DNM3: variants seen among roughly 807,000 people sequenced by gnomAD.
DNM3 encodes dynamin 3.
Under a neutral mutation model 101.6 loss-of-function variants are expected in DNM3, and 47 were observed. The observed-to-expected ratio is 0.46, with a 90% CI of 0.37 to 0.59. The LOEUF (loss-of-function observed/expected upper bound fraction) is 0.59, where lower values mean the gene tolerates loss of function less well. DNM3 is among the 20% of genes least tolerant of loss of function. DNM3 has a pLI of 0.00. For synonymous variants in DNM3, 385 were observed against 387.9 expected, an observed-to-expected ratio of 0.99 and a Z score of 0.09; for missense variants, 849 against 1,085.7, an observed-to-expected ratio of 0.78 and a Z score of 3.06.
At chr1:172,127,393 T>TATTATC (rs2056694328) in intron 13 of DNM3, among the ~76,000 whole-genome samples, 1 of 143,390 alleles carries the variant, frequency 7.0e-6, no homozygotes, top group Non-Finnish European at 1.5e-5. Context: ...TACTTATTAT[T>TATTATC]ATTATTATTA....
chr1:172,355,894 G>C (rs1412989037), intron 17 of DNM3, among the ~76,000 whole-genome samples: 1 of 152,024 alleles, frequency 6.6e-6, no homozygotes, highest in Non-Finnish European at 1.5e-5. Flanking sequence ...GAAGACCACA[G>C]ATAACATCCA....
rs114792961 is a variant in DNM3 at position 171,915,438 on chromosome 1, G to C, written c.162-6310G>C. The stretch of plus-strand genomic sequence containing the variant: ...CTGGAGTGGTGATCCAAATAGACAA[G>C]AGAGGGTGAATTTAAGAGATATTAA... On this transcript the variant is annotated intron_variant, in intron 1 of 20. Transcript: ENST00000627582. 6.8e-3 allele frequency among the ~76,000 whole-genome samples: 1,028 copies of C among 152,272 alleles called. 3 individuals are homozygous for C. Among genetic ancestry groups the C allele is most frequent in the Non-Finnish European group, 0.011 (715 of 68,010 alleles).
intron 1 of DNM3, among the ~76,000 whole-genome samples, chr1:171,842,982 C>G (rs1235223442): frequency 6.6e-6 from 1 of 152,178 alleles, no homozygotes; most frequent in Non-Finnish European, 1.5e-5. Flanking sequence ...GTACTTTATT[C>G]TTTTTATTTG....
At chr1:172,011,154 C>G (rs2047102279) in intron 4 of DNM3, among the ~76,000 whole-genome samples, 1 of 151,750 alleles carries the variant, frequency 6.6e-6, no homozygotes, top group Non-Finnish European at 1.5e-5. Context: ...TGATATCAAC[C>G]TTTCTGGTGT....
chr1:171,988,891 G>GT, intron 3 of DNM3, 54 bp from the exon 4 acceptor site: 1 of 1,453,424 alleles, frequency 6.9e-7, no homozygotes, highest in African/African-American at 1.4e-5. Context: ...ATTCTGTATT[G>GT]TTATCTTTTA....
At chr1:171,924,269 G>A (rs955309499) in intron 2 of DNM3, among the ~76,000 whole-genome samples, 2 of 152,120 alleles carry the variant, frequency 1.3e-5, no homozygotes, top group Non-Finnish European at 2.9e-5. Flanking sequence ...GTTTTCCATA[G>A]GGGTTAAACT....
At chr1:172,291,989 A>G (rs1462851095) in intron 15 of DNM3, among the ~76,000 whole-genome samples, 1 of 152,236 alleles carries the variant, frequency 6.6e-6, no homozygotes, top group African/African-American at 2.4e-5. Flanking sequence ...ACACAATGAA[A>G]TATAATAATG....
At chr1:172,155,354 C>T (rs540563295) in intron 14 of DNM3, among the ~76,000 whole-genome samples, 25 of 150,536 alleles carry the variant, frequency 1.7e-4, no homozygotes, top group African/African-American at 5.3e-4. Context: ...TTAAATTGTT[C>T]ATTTACTTAA....
At chr1:171,918,187 A>G (rs990090117) in intron 1 of DNM3, among the ~76,000 whole-genome samples, 1 of 152,214 alleles carries the variant, frequency 6.6e-6, no homozygotes, top group Non-Finnish European at 1.5e-5. Context: ...GGGAAAACAC[A>G]CTGTGGCTGT....
chr1:172,138,034 T>C (rs1397692331), intron 14 of DNM3: 2 of 152,174 alleles, frequency 1.3e-5, no homozygotes, highest in African/African-American at 2.4e-5. Flanking sequence ...AGTGAATGTG[T>C]TGGCCTTGTA....
intron 6 of DNM3, among the ~76,000 whole-genome samples, chr1:172,034,529 A>G (rs2048826620): frequency 6.6e-6 from 1 of 152,122 alleles, no homozygotes. Flanking sequence ...GTGGTTGACT[A>G]TTAGGTTATT....
chr1:172,191,834 T>C (rs1039719508), intron 14 of DNM3, among the ~76,000 whole-genome samples: 1 of 152,220 alleles, frequency 6.6e-6, no homozygotes, highest in African/African-American at 2.4e-5. Context: ...TATTGGTGTA[T>C]AGGAATGCTT....
chr1:172,271,470 T>C (rs1432714316), intron 15 of DNM3, among the ~76,000 whole-genome samples: 1 of 152,162 alleles, frequency 6.6e-6, no homozygotes. Context: ...ATGTGTAGTT[T>C]AACAGAAGAC....
At chr1:172,380,148 T>C (rs2068818041) in intron 18 of DNM3, among the ~76,000 whole-genome samples, 2 of 152,018 alleles carry the variant, frequency 1.3e-5, no homozygotes, top group Non-Finnish European at 2.9e-5. Context: ...TCTGTTGACC[T>C]AAGGTGAGTC....
chr1:172,073,191 G>GTA (rs2052346834), intron 11 of DNM3, among the ~76,000 whole-genome samples: 1 of 151,648 alleles, frequency 6.6e-6, no homozygotes, highest in Non-Finnish European at 1.5e-5. Context: ...TATATATAGT[G>GTA]TATATATACA....
intron 1 of DNM3, among the ~76,000 whole-genome samples, chr1:171,921,142 T>G (rs1015402533): frequency 1.3e-5 from 2 of 151,756 alleles, no homozygotes; most frequent in Non-Finnish European, 2.9e-5. Context: ...GCGCTGGGTT[T>G]TTGCTATGTT....
At position 172,412,335 on chromosome 1, in the gene DNM3, T is replaced by C; in HGVS notation, c.*4494T>C. 1 of 985,644 alleles carries C rather than the reference T, an allele frequency of 1.0e-6. No homozygotes were observed. The highest frequency in any genetic ancestry group is 1.2e-6 in the Non-Finnish European group (1 of 829,936). 61.1% of individuals were successfully genotyped at this position (985,644 alleles called of 1,614,324 possible). A position where few individuals can be genotyped will look rare whatever the true frequency, so the allele number is the denominator to read the frequency against. On this transcript the variant is annotated 3_prime_UTR_variant, in exon 21 of 21. Transcript: ENST00000627582. ...TGTCTGCTACCAGTTTGTTAAAAAT[T>C]ATTCCCCCCAACCAGTAATTCCACC...
intron 2 of DNM3, among the ~76,000 whole-genome samples, chr1:171,944,341 ATTTAT>A (rs2042011621): frequency 1.8e-5 from 1 of 56,244 alleles, no homozygotes; most frequent in Non-Finnish European, 3.7e-5. Context: ...TAAACAATGT[ATTTAT>A]TTATTTATTT....
intron 15 of DNM3, among the ~76,000 whole-genome samples, chr1:172,307,096 C>T (rs1026189278): frequency 4.6e-5 from 7 of 152,156 alleles, no homozygotes; most frequent in African/African-American, 1.7e-4. Flanking sequence ...AGGCAACCTA[C>T]AGAGTGGGAG....
Sources: gnomAD v4.1 joint callset for allele counts (sites outside exome capture counted in the v4.1 genomes callset) on GRCh38, gnomAD v4.1.1 for gene constraint, MANE v1.5 for transcripts, NCBI Gene and HGNC (gene_info 2026-07-23, HGNC 2026-07-21) for gene names.